INPP4B: variants seen among roughly 807,000 people sequenced by gnomAD.
INPP4B encodes the protein inositol polyphosphate-4-phosphatase type II B.
INPP4B carries 55 observed loss-of-function variants against 122.5 expected under a neutral mutation model. The ratio of observed to expected loss-of-function variants is 0.45; its 90% confidence interval spans 0.36 to 0.56. The LOEUF (loss-of-function observed/expected upper bound fraction) is 0.56, where lower values mean the gene tolerates loss of function less well. Ranked by LOEUF, INPP4B falls within the 20% of genes least tolerant of loss-of-function variation. The pLI is 0.00. For synonymous variants in INPP4B, 403 were observed against 388.7 expected, an observed-to-expected ratio of 1.04 and a Z score of -0.43; for missense variants, 1,000 against 1,097.7, an observed-to-expected ratio of 0.91 and a Z score of 1.26.
At chr4:142,047,079 T>C (rs1166855240) in intron 25 of INPP4B, among the ~76,000 whole-genome samples, 1 of 152,140 alleles carries the variant, frequency 6.6e-6, no homozygotes, top group Non-Finnish European at 1.5e-5. Context: ...AGAGCCATCA[T>C]TTCTGACACT....
intron 1 of INPP4B, among the ~76,000 whole-genome samples, chr4:142,748,509 A>C (rs1769139370): frequency 6.6e-6 from 1 of 151,998 alleles, no homozygotes; most frequent in African/African-American, 2.4e-5. Context: ...AAAAGAAGAA[A>C]CAAAATTGTA....
At chr4:142,381,546 T>C (rs1794085173) in intron 7 of INPP4B, among the ~76,000 whole-genome samples, 1 of 152,108 alleles carries the variant, frequency 6.6e-6, no homozygotes, top group Non-Finnish European at 1.5e-5. Flanking sequence ...ATATAAAATG[T>C]TTAGATTACG....
chr4:142,812,111 G>T (rs528264588), intron 1 of INPP4B, among the ~76,000 whole-genome samples: 1 of 152,192 alleles, frequency 6.6e-6, no homozygotes, highest in East Asian at 1.9e-4. Flanking sequence ...GAGAGATAGA[G>T]CTTCTTAATA....
At chr4:142,152,832 G>A (rs1389982602) in intron 17 of INPP4B, among the ~76,000 whole-genome samples, 5 of 152,150 alleles carry the variant, frequency 3.3e-5, no homozygotes, top group Non-Finnish European at 7.4e-5. Flanking sequence ...CTCATTTTAT[G>A]AGTGCTAGTC....
At position 142,028,092 on chromosome 4, in the gene INPP4B, T is replaced by C. The variant is rs1369254507; in HGVS notation, c.*690A>G. On this transcript the variant is annotated 3_prime_UTR_variant, in exon 26 of 26. Coordinates refer to ENST00000262992, the MANE Select transcript of INPP4B (RefSeq NM_001101669.3). ...CTATTAAACGTTCTATATTGCTACA[T>C]TCACAGCTAGATCACACAACCCAAG... is the stretch of plus-strand genomic sequence containing the variant. The C allele has an allele frequency of 4.4e-6, 1 of 227,428 alleles. No homozygotes were observed. Among genetic ancestry groups the C allele is most frequent in the Non-Finnish European group, 8.7e-6 (1 of 114,458 alleles). 14.1% of individuals were successfully genotyped at this position (227,428 alleles called of 1,614,324 possible). A position where few individuals can be genotyped will look rare whatever the true frequency, so the allele number is the denominator to read the frequency against.
chr4:142,803,829 G>A (rs890213396), intron 1 of INPP4B, among the ~76,000 whole-genome samples: 1 of 151,972 alleles, frequency 6.6e-6, no homozygotes, highest in South Asian at 2.1e-4. Context: ...GGCCGAGACA[G>A]GCGGATCACA....
intron 21 of INPP4B, among the ~76,000 whole-genome samples, chr4:142,119,796 T>TATATAC (rs1485031548): frequency 4.0e-4 from 60 of 148,530 alleles, no homozygotes; most frequent in Middle Eastern, 3.5e-3. Context: ...AAAGTATATA[T>TATATAC]ACACACACAC....
At chr4:142,677,800 C>G (rs534397261) in intron 2 of INPP4B, among the ~76,000 whole-genome samples, 1 of 151,988 alleles carries the variant, frequency 6.6e-6, no homozygotes, top group East Asian at 1.9e-4. Context: ...AATGAGAACA[C>G]ATGGCCACAG....
intron 12 of INPP4B, among the ~76,000 whole-genome samples, chr4:142,234,960 T>G (rs554260091): frequency 6.6e-6 from 1 of 152,186 alleles, no homozygotes; most frequent in Non-Finnish European, 1.5e-5. Flanking sequence ...TTTGATGTGT[T>G]CAAATAACAA....
At chr4:142,270,821 C>T in intron 9 of INPP4B, 47 bp from the exon 10 acceptor site, 1 of 1,263,724 alleles carries the variant, frequency 7.9e-7, no homozygotes, top group South Asian at 1.2e-5. Flanking sequence ...GCTTCTCTCT[C>T]CCCCAAAAAT....
At chr4:142,524,827 C>T (rs1483427911) in intron 2 of INPP4B, among the ~76,000 whole-genome samples, 3 of 151,326 alleles carry the variant, frequency 2.0e-5, no homozygotes, top group Non-Finnish European at 3.0e-5. Context: ...AAAACTGGCA[C>T]AAGACAGGGA....
chr4:142,068,241 A>G (rs1388027407), intron 25 of INPP4B, among the ~76,000 whole-genome samples: 1 of 152,220 alleles, frequency 6.6e-6, no homozygotes, highest in East Asian at 1.9e-4. Flanking sequence ...AAGCTTCATA[A>G]GTGAAGGAGA....
intron 5 of INPP4B, among the ~76,000 whole-genome samples, chr4:142,421,312 G>A (rs922502192): frequency 2.0e-5 from 3 of 152,004 alleles, no homozygotes; most frequent in Non-Finnish European, 4.4e-5. Flanking sequence ...TCAAAGAAAG[G>A]CTCAATGGGA....
intron 25 of INPP4B, among the ~76,000 whole-genome samples, chr4:142,057,315 C>T (rs1002904194): frequency 2.6e-5 from 4 of 152,052 alleles, no homozygotes; most frequent in African/African-American, 7.2e-5. Context: ...TCTAAAGTTA[C>T]AGAAACGTAA....
intron 17 of INPP4B, among the ~76,000 whole-genome samples, chr4:142,148,812 G>T (rs1168355168): frequency 1.3e-5 from 2 of 152,062 alleles, no homozygotes; most frequent in Non-Finnish European, 2.9e-5. Flanking sequence ...TGTCATAAAG[G>T]GTTACATATA....
At chr4:142,257,296 T>A (rs564373506) in intron 11 of INPP4B, among the ~76,000 whole-genome samples, 154 of 152,090 alleles carry the variant, frequency 1.0e-3, no homozygotes, top group Non-Finnish European at 1.7e-3. Flanking sequence ...AAACTGGCAC[T>A]AGACGGGATG....
chr4:142,620,656 TAA>T (rs1419775496), intron 2 of INPP4B, among the ~76,000 whole-genome samples: 3 of 151,696 alleles, frequency 2.0e-5, no homozygotes, highest in African/African-American at 4.8e-5. Context: ...TAAACTGAAA[TAA>T]GAGTTAAAAA....
intron 17 of INPP4B, among the ~76,000 whole-genome samples, chr4:142,148,754 G>T (rs1227157478): frequency 6.6e-6 from 1 of 152,134 alleles, no homozygotes; most frequent in Non-Finnish European, 1.5e-5. Context: ...ATCTTCATTG[G>T]TCTGAGGAGC....
At chr4:142,807,944 A>G (rs1779055793) in intron 1 of INPP4B, among the ~76,000 whole-genome samples, 1 of 152,196 alleles carries the variant, frequency 6.6e-6, no homozygotes, top group Non-Finnish European at 1.5e-5. Context: ...CATGGGTTGC[A>G]CAGGTACCAC....
Sources: gnomAD v4.1 joint callset for allele counts (sites outside exome capture counted in the v4.1 genomes callset) on GRCh38, gnomAD v4.1.1 for gene constraint, MANE v1.5 for transcripts, NCBI Gene and HGNC (gene_info 2026-07-23, HGNC 2026-07-21) for gene names.